The following AVPI1 variants were observed in gnomAD, a reference collection of about 807,000 sequenced individuals.
The protein encoded by AVPI1 is arginine vasopressin-induced protein 1.
Under a neutral mutation model 11.9 loss-of-function variants are expected in AVPI1, and 9 were observed. That is an observed-to-expected ratio of 0.76 (90% CI 0.46 to 1.32). The LOEUF is 1.32. Ranked by LOEUF, AVPI1 falls within the 40% of genes most tolerant of loss-of-function variation. The pLI is 0.00. For missense variants in AVPI1, 207 were observed against 195.8 expected (o/e 1.06, Z -0.34); for synonymous variants, 68 against 78.1 (o/e 0.87, Z 0.68).
rs753757621 is a variant in AVPI1, at chr10:97,678,029, C to T, written c.288-4G>A. On this transcript the variant is annotated splice_polypyrimidine_tract_variant and splice_region_variant and intron_variant, in intron 2 of 2. Coordinates refer to ENST00000370626, the MANE Select transcript of AVPI1 (RefSeq NM_021732.3). Reference sequence around the variant, plus strand: ...TGCAGAGTGGGGCTCCAGGATTCTGCAGAGAACAAGTGTATGATTAGCCAA... The same window carrying T: ...TGCAGAGTGGGGCTCCAGGATTCTGTAGAGAACAAGTGTATGATTAGCCAA... 58 of 1,613,048 alleles carry T rather than the reference C, an allele frequency of 3.6e-5. No individual in the cohort carries two copies. The highest frequency in any genetic ancestry group is 4.7e-5 in the Non-Finnish European group (55 of 1,179,432).
At position 97,679,870 on chromosome 10, in the gene AVPI1, G is replaced by C. The variant is rs1328392417; in HGVS notation, c.36C>G (p.Pro12=). The C allele has an allele frequency of 5.0e-6, 8 of 1,595,794 alleles. No individual in the cohort carries two copies. Among genetic ancestry groups the C allele is most frequent in the South Asian group, 3.4e-5 (3 of 88,852 alleles). ...GTPASVVSEP[P]PWQAPIEARG... ...GGGCCTCAATCGGGGCCTGCCAAGG[G>C]GGTGGCTCACTGACCACCGAGGCTG... Residue 12 remains proline (P), a synonymous_variant, in exon 2 of 3, where the codon CCC becomes CCG. Coordinates refer to ENST00000370626, the MANE Select transcript of AVPI1 (RefSeq NM_021732.3).
At chr10:97,678,973 G>GACAGGA (rs1262542224) in intron 2 of AVPI1, among the ~76,000 whole-genome samples, 3 of 106,192 alleles carry the variant, frequency 2.8e-5, no homozygotes, top group Non-Finnish European at 1.9e-5. Context: ...GTGTGTGTGT[G>GACAGGA]TGTGTGTGTG....
chr10:97,683,853 C>A (rs2041716433), intron 1 of AVPI1, among the ~76,000 whole-genome samples: 1 of 152,258 alleles, frequency 6.6e-6, no homozygotes, highest in Admixed American at 6.5e-5. Context: ...CAATTCACAT[C>A]CCCTCTGTGG....
chr10:97,686,225 C>T (rs1394696481), intron 1 of AVPI1, among the ~76,000 whole-genome samples: 2 of 152,198 alleles, frequency 1.3e-5, no homozygotes, highest in Non-Finnish European at 2.9e-5. Context: ...TGGTATACCA[C>T]AGACATTCTA....
At position 97,685,310 on chromosome 10, in the gene AVPI1, A is replaced by C. The variant is rs972557042; in HGVS notation, c.-11+1456T>G. 2.0e-5 allele frequency among the ~76,000 whole-genome samples: 3 copies of C among 152,356 alleles called. No homozygotes were observed. In the South Asian group the frequency reaches 6.2e-4, roughly 32 times the overall value. Reference sequence around the variant, plus strand: ...GAAGAACTGTGGAACCCTAACAAAGAAATATATTTAAAAAGTGACTCACCA... The same window carrying C: ...GAAGAACTGTGGAACCCTAACAAAGCAATATATTTAAAAAGTGACTCACCA... On this transcript the variant is annotated intron_variant, in intron 1 of 2. Transcript: ENST00000370626.
rs2041675301 is a variant in AVPI1, at chr10:97,677,985, C to T, written c.328G>A (p.Ala110Thr). The change falls in exon 3 of 3, where the codon GCC becomes ACC. Residue 110 changes from alanine (A) to threonine (T), a missense_variant. By Grantham distance (58) the Ala-to-Thr change is moderately conservative. Coordinates refer to ENST00000370626, the MANE Select transcript of AVPI1 (RefSeq NM_021732.3). Reference sequence around the variant, plus strand: ...TGCTCACTGGAGGCTGTCTCTGTGGCACTCTGTGGGTTGGCCAGTGCAGAG... The same window carrying T: ...TGCTCACTGGAGGCTGTCTCTGTGGTACTCTGTGGGTTGGCCAGTGCAGAG... ...PHSALANPQS[A>T]TETASSEQYL... 1 of 1,614,160 alleles carries T rather than the reference C, an allele frequency of 6.2e-7. No individual in the cohort carries two copies. The highest frequency in any genetic ancestry group is 8.5e-7 in the Non-Finnish European group (1 of 1,180,022).
chr10:97,684,477 G>A lies in AVPI1; in HGVS notation c.-11+2289C>T, dbSNP rs190004668. ...AGGGCCTAGCACCTCCAGATTTTGA[G>A]GCCCCTCACTCTTTTTACTCTTTTT... On this transcript the variant is annotated intron_variant, in intron 1 of 2. Transcript: ENST00000370626. Among the ~76,000 whole-genome samples, 478 of 147,642 alleles carry A rather than the reference G, an allele frequency of 3.2e-3. 15 individuals are homozygous for A. Among genetic ancestry groups the A allele is most frequent in the Admixed American group, 0.03 (442 of 14,522 alleles).
rs965134892 is a variant in AVPI1 at position 97,686,977 on chromosome 10, C to G, written c.-222G>C. The G allele has an allele frequency of 6.6e-6, 1 of 152,360 alleles. No individual in the cohort carries two copies. The highest frequency in any genetic ancestry group is 1.5e-5 in the Non-Finnish European group (1 of 68,150). 9.4% of individuals were successfully genotyped at this position (152,360 alleles called of 1,614,324 possible). ...GCGACATCTGCAGCACGAGGAGGCC[C>G]CGGGACTCAGACGTGGCCGCTTCGC... On this transcript the variant is annotated 5_prime_UTR_variant, in exon 1 of 3. Transcript: ENST00000370626.
chr10:97,679,656 G>GA lies in AVPI1; in HGVS notation c.249_250insT (p.Pro84SerfsTer34). 4 of 1,613,848 alleles carry GA rather than the reference G, an allele frequency of 2.5e-6. No individual in the cohort carries two copies. Among genetic ancestry groups the GA allele is most frequent in the Non-Finnish European group, 3.4e-6 (4 of 1,179,914 alleles). On this transcript the variant is annotated frameshift_variant, in exon 2 of 3. Coordinates refer to ENST00000370626, the MANE Select transcript of AVPI1 (RefSeq NM_021732.3). LOFTEE classifies it high-confidence loss of function. ...CAGTGGTGTAGCGAGTGGCCCAGGG[G>GA]TTTCTGCCTTGGGGGCCTCTTCCTG... is the stretch of plus-strand genomic sequence containing the variant.
chr10:97,681,903 AAAAAAAAG>A (rs1213276054), intron 1 of AVPI1, among the ~76,000 whole-genome samples: 1 of 151,198 alleles, frequency 6.6e-6, no homozygotes, highest in African/African-American at 2.4e-5. Flanking sequence ...AGAAAAAAAA[AAAAAAAAG>A]AAAAAAAGAA....
At chr10:97,685,073 A>C (rs2041722503) in intron 1 of AVPI1, among the ~76,000 whole-genome samples, 1 of 152,234 alleles carries the variant, frequency 6.6e-6, no homozygotes, top group Non-Finnish European at 1.5e-5. Context: ...AAAACTAGAA[A>C]ATGAAACCAT....
chr10:97,679,172 G>A (rs1423951125), intron 2 of AVPI1, among the ~76,000 whole-genome samples: 2 of 134,656 alleles, frequency 1.5e-5, no homozygotes, highest in Non-Finnish European at 3.1e-5. Flanking sequence ...ACAGAGTCTC[G>A]CTCTGTCACC....
chr10:97,678,413 G>A (rs1288298920), intron 2 of AVPI1, among the ~76,000 whole-genome samples: 2 of 152,140 alleles, frequency 1.3e-5, no homozygotes, highest in African/African-American at 4.8e-5. Context: ...TAGGTCTGAT[G>A]TTCTGATTGT....
chr10:97,679,824 C>T lies in AVPI1; in HGVS notation c.82G>A (p.Ala28Thr). The T allele has an allele frequency of 6.2e-7, 1 of 1,611,110 alleles. No homozygotes were observed. The highest frequency in any genetic ancestry group is 2.2e-5 in the East Asian group (1 of 44,772). ...AGCTCGGCGTCCTGGAAGATGTTGGCCGAGGCCTGCTTGCGGCCCCGGGCC... is the reference window on the plus strand; with the variant it reads ...AGCTCGGCGTCCTGGAAGATGTTGGTCGAGGCCTGCTTGCGGCCCCGGGCC... Reference protein sequence around the residue: ...IEARGRKQASANIFQDAELLQ... With the variant: ...IEARGRKQASTNIFQDAELLQ... The change falls in exon 2 of 3, where the codon GCC becomes ACC. Residue 28 changes from alanine to threonine, a missense_variant. Transcript: ENST00000370626.
At chr10:97,678,827 G>A (rs1279991647) in intron 2 of AVPI1, among the ~76,000 whole-genome samples, 1 of 151,406 alleles carries the variant, frequency 6.6e-6, no homozygotes, top group Non-Finnish European at 1.5e-5. Flanking sequence ...AGCTGGGACC[G>A]CAGGTGCATG....
Position 97,678,174 on chromosome 10 carries a change from T to A in AVPI1, c.288-149A>T, listed in dbSNP as rs3750565. The A allele has an allele frequency of 2.5e-5, 22 of 879,258 alleles. No homozygotes were observed. The East Asian group carries it at 5.0e-4, about 20-fold the overall frequency. 54.5% of individuals were successfully genotyped at this position (879,258 alleles called of 1,614,324 possible). ...CTCTGGTCTTTCCCCCTCTGAGAAC[T>A]GTCTGACTAGACAAAGTTTACAGAT... On this transcript the variant is annotated intron_variant, in intron 2 of 2. Transcript: ENST00000370626.
chr10:97,682,780 G>A (rs140880253), intron 1 of AVPI1, among the ~76,000 whole-genome samples: 7 of 152,206 alleles, frequency 4.6e-5, no homozygotes, highest in Admixed American at 1.3e-4. Context: ...ATGAGTTAAC[G>A]TCATGAAAAT....
At chr10:97,682,747 A>G (rs548001739) in intron 1 of AVPI1, among the ~76,000 whole-genome samples, 3 of 152,346 alleles carry the variant, frequency 2.0e-5, no homozygotes, top group East Asian at 3.9e-4. Context: ...AACAACTACA[A>G]TAAAGCTGCA....
At chr10:97,679,044 G>C (rs1317874354) in intron 2 of AVPI1, among the ~76,000 whole-genome samples, 1 of 136,030 alleles carries the variant, frequency 7.4e-6, no homozygotes, top group African/African-American at 2.6e-5. Flanking sequence ...CTGGTAAGCT[G>C]AGAATAACGG....
Sources: allele counts gnomAD v4.1 joint callset (sites outside exome capture counted in the v4.1 genomes callset), GRCh38; gene constraint gnomAD v4.1.1; transcripts MANE v1.5; gene names NCBI Gene and HGNC (gene_info 2026-07-23, HGNC 2026-07-21).